The following KIF26B variants were observed in gnomAD, a reference collection of about 807,000 sequenced individuals.
The protein encoded by KIF26B is kinesin family member 26B, also known as kinesin-like protein KIF26B.
In KIF26B, 63 loss-of-function variants were observed where a neutral mutation model predicts 151.2. The observed-to-expected ratio is 0.42, with a 90% CI of 0.34 to 0.51. The LOEUF is 0.51. KIF26B is among the 20% of genes least tolerant of loss of function. The pLI, the probability that KIF26B is intolerant of heterozygous loss-of-function variation, is 0.07. For missense variants in KIF26B, 2,813 were observed against 2,913.6 expected, an observed-to-expected ratio of 0.97 and a Z score of 0.79; for synonymous variants, 1,357 against 1,262.1, an observed-to-expected ratio of 1.08 and a Z score of -1.59.
At position 245,572,723 on chromosome 1, in the gene KIF26B, A is replaced by G. The variant is rs779676531; in HGVS notation, c.1351-29854A>G. Among the ~76,000 whole-genome samples, 9 of 152,162 alleles carry G rather than the reference A, an allele frequency of 5.9e-5. No individual in the cohort carries two copies. The highest frequency in any genetic ancestry group is 1.3e-4 in the Non-Finnish European group (9 of 68,026). ...CCATTCTAATGCCCACATTTACTTC[A>G]TAATGTATTACCTACGTATAGTGTA... On this transcript the variant is annotated intron_variant, in intron 5 of 14. Transcript: ENST00000407071. The surrounding 1 kb of genome is among the most constrained non-coding windows in gnomAD (Gnocchi z 4.2).
chr1:245,264,972 G>A (rs1670715678), intron 2 of KIF26B, among the ~76,000 whole-genome samples: 1 of 151,462 alleles, frequency 6.6e-6, no homozygotes, highest in South Asian at 2.1e-4. Flanking sequence ...GGCCGAGGCG[G>A]GCAGATCACA....
intron 2 of KIF26B, among the ~76,000 whole-genome samples, chr1:245,222,524 G>T (rs755084267): frequency 6.6e-6 from 1 of 152,106 alleles, no homozygotes; most frequent in African/African-American, 2.4e-5. Flanking sequence ...GAAAGAACTA[G>T]AAGAAAATAT....
At chr1:245,664,329 A>G (rs2147936109) in intron 10 of KIF26B, among the ~76,000 whole-genome samples, 1 of 149,848 alleles carries the variant, frequency 6.7e-6, no homozygotes, top group Admixed American at 6.7e-5. Flanking sequence ...ATTGCACTCC[A>G]GCCTTGGCAA....
intron 2 of KIF26B, among the ~76,000 whole-genome samples, chr1:245,320,924 C>T (rs926299118): frequency 1.1e-4 from 16 of 152,176 alleles, no homozygotes; most frequent in African/African-American, 3.4e-4. Flanking sequence ...GTGATCTCCC[C>T]GCGTCGTCCT....
Position 245,287,338 on chromosome 1 carries a change from T to A in KIF26B, c.466-79496T>A, listed in dbSNP as rs200218403. Reference sequence around the variant, plus strand: ...ACTTTAAGCCATTAAAAAGCAGAATTTGAGTCTTACAATTGGACACTGTTT... The same window carrying A: ...ACTTTAAGCCATTAAAAAGCAGAATATGAGTCTTACAATTGGACACTGTTT... On this transcript the variant is annotated intron_variant, in intron 2 of 14. Transcript: ENST00000407071. Among the ~76,000 whole-genome samples the A allele has an allele frequency of 2.5e-3, 381 of 152,282 alleles. 6 individuals carry two copies. The East Asian group carries it at 0.05, about 20-fold the overall frequency.
intron 2 of KIF26B, among the ~76,000 whole-genome samples, chr1:245,173,616 G>T (rs965379052): frequency 7.2e-5 from 11 of 152,190 alleles, no homozygotes; most frequent in Non-Finnish European, 1.2e-4. Context: ...GGCCGGGGAG[G>T]CTGTGGTCCT....
chr1:245,624,711 T>C (rs977132390), intron 9 of KIF26B, among the ~76,000 whole-genome samples: 2 of 152,200 alleles, frequency 1.3e-5, no homozygotes, highest in Non-Finnish European at 2.9e-5. Flanking sequence ...CTCAACAGCA[T>C]CTTTTGAAAA....
At chr1:245,473,641 A>G (rs894414506) in intron 4 of KIF26B, among the ~76,000 whole-genome samples, 3 of 151,988 alleles carry the variant, frequency 2.0e-5, no homozygotes, top group Admixed American at 2.0e-4. Context: ...AACTGTTATT[A>G]TGATCTTGGT....
chr1:245,698,762 AC>A lies in KIF26B; in HGVS notation c.6028-122del. The A allele has an allele frequency of 8.7e-7, 1 of 1,154,470 alleles. No homozygotes were observed. The allele number at this position is 1,154,470 out of a possible 1,614,324, so 71.5% of individuals were successfully genotyped here. A position where few individuals can be genotyped will look rare whatever the true frequency, so the allele number is the denominator to read the frequency against. ...GTCAAGGGAGAATTTGGTGGGGATG[AC>A]CCATGTCCCTCCCACACGTCTCCAA... On this transcript the variant is annotated intron_variant, in intron 13 of 14. Coordinates refer to ENST00000407071, the MANE Select transcript of KIF26B (RefSeq NM_018012.4). This position sits in a 1 kb window ranked among gnomAD's most constrained non-coding sequence, Gnocchi z 4.0.
At chr1:245,539,872 C>T (rs914050593) in intron 4 of KIF26B, among the ~76,000 whole-genome samples, 6 of 152,104 alleles carry the variant, frequency 3.9e-5, no homozygotes, top group East Asian at 1.9e-4. Context: ...AGGCTGGTCT[C>T]GAACTCCTGA....
chr1:245,310,825 T>C (rs1178408920), intron 2 of KIF26B, among the ~76,000 whole-genome samples: 1 of 152,160 alleles, frequency 6.6e-6, no homozygotes, highest in Non-Finnish European at 1.5e-5. Context: ...GGGCCGGCAC[T>C]GTGGAAAGGT....
At chr1:245,384,141 T>C (rs530051546) in intron 3 of KIF26B, among the ~76,000 whole-genome samples, 1 of 152,276 alleles carries the variant, frequency 6.6e-6, no homozygotes, top group South Asian at 2.1e-4. Flanking sequence ...CAGCTACCAC[T>C]TCCCGTTCCC....
At chr1:245,347,138 G>A (rs762581591) in intron 2 of KIF26B, among the ~76,000 whole-genome samples, 27 of 152,076 alleles carry the variant, frequency 1.8e-4, no homozygotes, top group Non-Finnish European at 2.8e-4. Flanking sequence ...CTTCTAGTGG[G>A]CTCGAGCACC....
In KIF26B at chr1:245,239,951, G is replaced by A. The variant is rs6686583; in HGVS notation, c.465+83268G>A. Among the ~76,000 whole-genome samples, 59,495 of 151,712 alleles carry A rather than the reference G, an allele frequency of 0.39. 12,408 individuals are homozygous for A. The highest frequency in any genetic ancestry group is 0.71 in the East Asian group (3,637 of 5,140). Reference sequence around the variant, plus strand: ...AGCCCTTTGGGAGGCCGAGGCGGGCGGATCACTTGAGGTCAGGAGTTTGAG... The same window carrying A: ...AGCCCTTTGGGAGGCCGAGGCGGGCAGATCACTTGAGGTCAGGAGTTTGAG... On this transcript the variant is annotated intron_variant, in intron 2 of 14. Coordinates refer to ENST00000407071, the MANE Select transcript of KIF26B (RefSeq NM_018012.4). The surrounding 1 kb of genome is among the most constrained non-coding windows in gnomAD (Gnocchi z 4.3).
chr1:245,198,653 C>T (rs1033090221), intron 2 of KIF26B, among the ~76,000 whole-genome samples: 7 of 149,576 alleles, frequency 4.7e-5, no homozygotes, highest in Admixed American at 1.3e-4. Context: ...ACTTGGGAGG[C>T]GGAGGTTGCG....
chr1:245,282,815 TAA>T (rs34770861), intron 2 of KIF26B: 2 of 174,664 alleles, frequency 1.1e-5, no homozygotes, highest in Admixed American at 6.2e-5. Flanking sequence ...TCCGCTCCTT[TAA>T]AAAAAAAGAA....
chr1:245,366,791 G>A (rs1672963646), intron 2 of KIF26B, 43 bp from the exon 3 acceptor site: 1 of 1,591,046 alleles, frequency 6.3e-7, no homozygotes, highest in Admixed American at 1.7e-5. Context: ...TAGCAGCCTT[G>A]GAGTTATAGA....
chr1:245,419,750 G>A lies in KIF26B; in HGVS notation c.1166+5G>A, dbSNP rs1449592027. On this transcript the variant is annotated splice_donor_5th_base_variant and intron_variant, in intron 4 of 14. Transcript: ENST00000407071. Reference sequence around the variant, plus strand: ...GGCCGCCTCCTTCTTTGCACGGTAAGAGAGCTGTTCAGATCCTTGGTTCTT... The same window carrying A: ...GGCCGCCTCCTTCTTTGCACGGTAAAAGAGCTGTTCAGATCCTTGGTTCTT... 9.3e-6 allele frequency: 15 copies of A among 1,608,878 alleles called. No homozygotes were observed. The highest frequency in any genetic ancestry group is 1.1e-5 in the Non-Finnish European group (13 of 1,177,468).
At chr1:245,573,155 G>A (rs1471258465) in intron 5 of KIF26B, among the ~76,000 whole-genome samples, 1 of 152,168 alleles carries the variant, frequency 6.6e-6, no homozygotes, top group Non-Finnish European at 1.5e-5. Context: ...GAGACTCACA[G>A]GGCAAATTTT....
Sources: allele counts gnomAD v4.1 joint callset (sites outside exome capture counted in the v4.1 genomes callset), GRCh38; gene constraint gnomAD v4.1.1; non-coding constraint Gnocchi (gnomAD v3.1); transcripts MANE v1.5; gene names NCBI Gene and HGNC (gene_info 2026-07-23, HGNC 2026-07-21).